Variants in C8orf34 observed in about 807,000 individuals in gnomAD.
C8orf34 encodes the protein chromosome 8 open reading frame 34.
A neutral mutation model predicts 68.3 loss-of-function variants in C8orf34; 65 were observed. That is an observed-to-expected ratio of 0.95 (90% CI 0.78 to 1.17). The LOEUF is 1.17. Among genes scored for constraint, C8orf34 ranks in the 50% most tolerant of loss-of-function variants. C8orf34 has a pLI of 0.00. For missense variants in C8orf34, 664 were observed against 655.4 expected, an observed-to-expected ratio of 1.01 and a Z score of -0.14; for synonymous variants, 244 against 241.2, an observed-to-expected ratio of 1.01 and a Z score of -0.11.
intron 7 of C8orf34, among the ~76,000 whole-genome samples, chr8:68,554,386 C>T (rs910147618): frequency 4.6e-5 from 7 of 151,952 alleles, no homozygotes; most frequent in African/African-American, 9.7e-5. Flanking sequence ...TTCTTTAATT[C>T]TTTTAGCTAT....
intron 8 of C8orf34, among the ~76,000 whole-genome samples, chr8:68,651,691 G>A (rs567759493): frequency 2.0e-5 from 3 of 152,304 alleles, no homozygotes; most frequent in Admixed American, 2.0e-4. Flanking sequence ...ATAAGTGGGA[G>A]CTAAACACTG....
intron 5 of C8orf34, among the ~76,000 whole-genome samples, chr8:68,504,375 A>ATGTT (rs1447432938): frequency 1.6e-4 from 25 of 152,126 alleles, no homozygotes; most frequent in Admixed American, 1.6e-3. Flanking sequence ...ATTATAAATA[A>ATGTT]TGTTTCTATG....
intron 11 of C8orf34, among the ~76,000 whole-genome samples, chr8:68,780,965 T>C (rs1477102290): frequency 2.0e-5 from 3 of 152,178 alleles, no homozygotes; most frequent in African/African-American, 7.2e-5. Flanking sequence ...AGTGTGACTT[T>C]GTTTGTTTTA....
In C8orf34 at chr8:68,445,993, T is replaced by C. The variant is rs193292536; in HGVS notation, c.476-336T>C. Among the ~76,000 whole-genome samples the C allele has an allele frequency of 2.1e-3, 325 of 152,264 alleles. 1 individual carries two copies. Among genetic ancestry groups the C allele is most frequent in the African/African-American group, 7.0e-3 (292 of 41,558 alleles). On this transcript the variant is annotated intron_variant, in intron 2 of 13. Coordinates refer to ENST00000518698, the MANE Select transcript of C8orf34 (RefSeq NM_052958.4). ...TTAGTGGAGACGACGGGTTTCACCA[T>C]ACTGGTCAGGTTGGTCTCGAACTCC...
intron 8 of C8orf34, among the ~76,000 whole-genome samples, chr8:68,678,405 T>C (rs999929362): frequency 2.0e-5 from 3 of 152,190 alleles, no homozygotes; most frequent in African/African-American, 7.2e-5. Context: ...ATGGGAATTA[T>C]ATCAGGGATG....
chr8:68,774,978 G>C (rs375734498), intron 10 of C8orf34, among the ~76,000 whole-genome samples: 13 of 101,036 alleles, frequency 1.3e-4, no homozygotes, highest in Admixed American at 4.6e-4. Flanking sequence ...TTAGCTGGGC[G>C]GGGTGGCACA....
intron 7 of C8orf34, among the ~76,000 whole-genome samples, chr8:68,560,145 T>G (rs1369426560): frequency 1.2e-5 from 1 of 86,232 alleles, no homozygotes; most frequent in Non-Finnish European, 2.2e-5. Context: ...GATTCTGGTG[T>G]TTTTTTTTTT....
intron 10 of C8orf34, among the ~76,000 whole-genome samples, chr8:68,724,949 T>A (rs527834102): frequency 1.4e-4 from 21 of 152,194 alleles, no homozygotes; most frequent in African/African-American, 4.8e-4. Context: ...AGCCTTGACC[T>A]TCTGGGCTCC....
intron 1 of C8orf34, among the ~76,000 whole-genome samples, chr8:68,371,272 C>T (rs958966987): frequency 6.6e-6 from 1 of 152,166 alleles, no homozygotes; most frequent in African/African-American, 2.4e-5. Context: ...TGTAATGGTA[C>T]AATCTTGCAA....
At chr8:68,615,485 A>C (rs1218106314) in intron 7 of C8orf34, among the ~76,000 whole-genome samples, 1 of 152,128 alleles carries the variant, frequency 6.6e-6, no homozygotes, top group Non-Finnish European at 1.5e-5. Context: ...ATTTATTGAG[A>C]GTTTTTAGCA....
chr8:68,494,780 C>A (rs1015525443), intron 5 of C8orf34, among the ~76,000 whole-genome samples: 1 of 151,670 alleles, frequency 6.6e-6, no homozygotes, highest in South Asian at 2.1e-4. Flanking sequence ...CACTTGAACA[C>A]GGGAGGCGGA....
intron 12 of C8orf34, among the ~76,000 whole-genome samples, chr8:68,809,147 G>T (rs1262720258): frequency 6.6e-6 from 1 of 152,020 alleles, no homozygotes; most frequent in Non-Finnish European, 1.5e-5. Context: ...ATCTACAGTT[G>T]CCCAATTGTC....
intron 3 of C8orf34, among the ~76,000 whole-genome samples, chr8:68,461,081 C>A (rs1292925860): frequency 6.6e-6 from 1 of 152,134 alleles, no homozygotes; most frequent in Non-Finnish European, 1.5e-5. Context: ...ATAACCAATA[C>A]AGAGAAGTGC....
chr8:68,788,783 T>C (rs191111192), intron 12 of C8orf34, among the ~76,000 whole-genome samples: 376 of 151,768 alleles, frequency 2.5e-3, no homozygotes, highest in Non-Finnish European at 4.0e-3. Flanking sequence ...TGCTTGAAAC[T>C]GGGAGGCGGA....
At chr8:68,406,237 G>C (rs1376841860) in intron 1 of C8orf34, among the ~76,000 whole-genome samples, 1 of 152,128 alleles carries the variant, frequency 6.6e-6, no homozygotes, top group African/African-American at 2.4e-5. Flanking sequence ...AAACATACAC[G>C]TAGTTTTGGT....
At chr8:68,814,317 T>G (rs1198365388) in intron 12 of C8orf34, among the ~76,000 whole-genome samples, 1 of 152,218 alleles carries the variant, frequency 6.6e-6, no homozygotes, top group Non-Finnish European at 1.5e-5. Flanking sequence ...CTCTGGCTGA[T>G]TCTTATACAC....
chr8:68,332,628 C>G (rs1399877422), intron 1 of C8orf34, among the ~76,000 whole-genome samples: 1 of 152,024 alleles, frequency 6.6e-6, no homozygotes, highest in Admixed American at 6.5e-5. Flanking sequence ...GCGCGGAGGA[C>G]AAAGGTGTGG....
intron 10 of C8orf34, among the ~76,000 whole-genome samples, chr8:68,773,754 A>G (rs1009234849): frequency 1.6e-4 from 24 of 152,184 alleles, no homozygotes; most frequent in African/African-American, 4.8e-5. Flanking sequence ...TACAAATGGC[A>G]GTTACAACCA....
At chr8:68,775,604 A>T (rs141679645) in intron 10 of C8orf34, among the ~76,000 whole-genome samples, 1,541 of 152,350 alleles carry the variant, frequency 0.01, 29 homozygotes, top group African/African-American at 0.035. Flanking sequence ...AAGTCTGGAT[A>T]TAAAGGTTAA....
Sources: gnomAD v4.1 joint callset for allele counts (sites outside exome capture counted in the v4.1 genomes callset) on GRCh38, gnomAD v4.1.1 for gene constraint, MANE v1.5 for transcripts, NCBI Gene and HGNC (gene_info 2026-07-23, HGNC 2026-07-21) for gene names.